Variants in IL1RAPL2 observed in about 807,000 individuals in gnomAD.
IL1RAPL2 encodes X-linked interleukin-1 receptor accessory protein-like 2.
In IL1RAPL2, 3 loss-of-function variants were observed where a neutral mutation model predicts 44.1. The observed-to-expected ratio is 0.07, with a 90% confidence interval of 0.03 to 0.18. The LOEUF (loss-of-function observed/expected upper bound fraction) is 0.18. Among genes scored for constraint, IL1RAPL2 ranks in the 10% least tolerant of loss-of-function variants. IL1RAPL2 has a pLI of 1.00. For synonymous variants in IL1RAPL2, 181 were observed against 178.8 expected (o/e 1.01, Z -0.10); for missense variants, 391 against 496.4 (o/e 0.79, Z 2.02).
chrX:105,579,484 C>A (rs763189256), intron 6 of IL1RAPL2, among the ~76,000 whole-genome samples: 166 of 111,322 alleles, frequency 1.5e-3, no homozygotes, highest in Non-Finnish European at 2.8e-3. Flanking sequence ...ATTTATCAGG[C>A]TGAGAATAAA....
chrX:105,228,746 T>C (rs2034040781), intron 3 of IL1RAPL2, among the ~76,000 whole-genome samples: 1 of 112,178 alleles, frequency 8.9e-6, no homozygotes, highest in Admixed American at 9.5e-5. Context: ...AGTTTGACTG[T>C]TGAGCAATGT....
At chrX:105,164,639 C>A (rs1289683800) in intron 2 of IL1RAPL2, among the ~76,000 whole-genome samples, 2 of 112,100 alleles carry the variant, frequency 1.8e-5, no homozygotes, top group Non-Finnish European at 3.8e-5. Context: ...CCTTTAAGTA[C>A]TTTCAATTCA....
chrX:105,569,186 C>A (rs1350031109), intron 6 of IL1RAPL2, among the ~76,000 whole-genome samples: 1 of 111,528 alleles, frequency 9.0e-6, no homozygotes, highest in Non-Finnish European at 1.9e-5. Context: ...GATAATTAAA[C>A]CATTACCTTT....
At chrX:105,379,022 A>G (rs1260286670) in intron 5 of IL1RAPL2, among the ~76,000 whole-genome samples, 3 of 111,626 alleles carry the variant, frequency 2.7e-5, no homozygotes, top group Non-Finnish European at 5.7e-5. Flanking sequence ...TTTAGAGCCA[A>G]AGTCCTGGAT....
chrX:105,499,353 A>G lies in IL1RAPL2; in HGVS notation c.772+14966A>G, dbSNP rs754211968. On this transcript the variant is annotated intron_variant, in intron 6 of 10. Transcript: ENST00000372582. Reference sequence around the variant, plus strand: ...AGTGACCTTTTTTTAATGTGACACCAAAAGTATAGGCAACAGAAGCAAAAA... The same window carrying G: ...AGTGACCTTTTTTTAATGTGACACCGAAAGTATAGGCAACAGAAGCAAAAA... Among the ~76,000 whole-genome samples the G allele has an allele frequency of 2.7e-5, 3 of 111,335 alleles. No individual in the cohort carries two copies. In the East Asian group the frequency reaches 8.5e-4, roughly 32 times the overall value.
chrX:104,896,751 C>A (rs1166417049), intron 2 of IL1RAPL2, among the ~76,000 whole-genome samples: 2 of 111,408 alleles, frequency 1.8e-5, no homozygotes, highest in Middle Eastern at 4.2e-3. Context: ...TGTTCTTTTG[C>A]TCTTCACAAT....
chrX:104,717,673 C>T (rs971722828), intron 2 of IL1RAPL2, among the ~76,000 whole-genome samples: 1 of 109,118 alleles, frequency 9.2e-6, no homozygotes, highest in African/African-American at 3.3e-5. Flanking sequence ...AGGTTTGTTA[C>T]ATATGTATAC....
intron 2 of IL1RAPL2, among the ~76,000 whole-genome samples, chrX:104,997,591 A>T (rs1324940724): frequency 8.9e-6 from 1 of 111,886 alleles, no homozygotes; most frequent in Non-Finnish European, 1.9e-5. Flanking sequence ...CTTTTTCAAC[A>T]GTTAGAAAAA....
intron 2 of IL1RAPL2, among the ~76,000 whole-genome samples, chrX:105,007,934 C>T (rs6523807): frequency 0.027 from 195 of 7,196 alleles, no homozygotes; most frequent in South Asian, 0.13. Context: ...AATTCAGAAT[C>T]GTTTTAGCAC....
intron 1 of IL1RAPL2, among the ~76,000 whole-genome samples, chrX:104,617,878 A>G (rs1929310211): frequency 1.8e-5 from 2 of 111,495 alleles, no homozygotes; most frequent in Non-Finnish European, 3.8e-5. Flanking sequence ...CCATTTCTGG[A>G]GAGCTAGTGT....
intron 2 of IL1RAPL2, among the ~76,000 whole-genome samples, chrX:105,003,581 T>C (rs893528381): frequency 1.3e-4 from 14 of 111,136 alleles, no homozygotes; most frequent in African/African-American, 4.6e-4. Context: ...TTTGCATAAT[T>C]TTCTTCCCCA....
chrX:105,244,608 A>C (rs1321427500), intron 4 of IL1RAPL2, among the ~76,000 whole-genome samples: 2 of 111,658 alleles, frequency 1.8e-5, no homozygotes, highest in Non-Finnish European at 3.8e-5. Flanking sequence ...CACGATCCCC[A>C]GTTGTTCCAA....
intron 6 of IL1RAPL2, among the ~76,000 whole-genome samples, chrX:105,716,439 T>C (rs1007326715): frequency 2.7e-5 from 3 of 111,794 alleles, no homozygotes; most frequent in Non-Finnish European, 5.6e-5. Context: ...CATTTTTTGA[T>C]AGACCACCTC....
chrX:105,072,061 A>T (rs983220262), intron 2 of IL1RAPL2, among the ~76,000 whole-genome samples: 6 of 111,178 alleles, frequency 5.4e-5, no homozygotes, highest in Admixed American at 9.6e-5. Flanking sequence ...CATTATGCCC[A>T]TATGTCAAGG....
chrX:104,774,715 C>T (rs1329822247), intron 2 of IL1RAPL2, among the ~76,000 whole-genome samples: 1 of 111,771 alleles, frequency 8.9e-6, no homozygotes, highest in Non-Finnish European at 1.9e-5. Context: ...ATCGAGGCTG[C>T]AAAATTTACA....
intron 2 of IL1RAPL2, among the ~76,000 whole-genome samples, chrX:104,659,414 C>A (rs934088671): frequency 9.0e-6 from 1 of 111,418 alleles, no homozygotes. Context: ...TATAGTTGTA[C>A]CCAGTTGCTA....
chrX:105,383,984 C>T (rs1229485363), intron 5 of IL1RAPL2, among the ~76,000 whole-genome samples: 2 of 111,381 alleles, frequency 1.8e-5, no homozygotes, highest in African/African-American at 3.3e-5. Context: ...TTGAGTTGCT[C>T]GAGTCCTTTA....
Position 104,819,850 on chromosome X carries a change from T to C in IL1RAPL2, c.82+160855T>C, listed in dbSNP as rs191458619. On this transcript the variant is annotated intron_variant, in intron 2 of 10. Coordinates refer to ENST00000372582, the MANE Select transcript of IL1RAPL2 (RefSeq NM_017416.2). ...TGAAGGCTTTTGGCTATTATTCCTT[T>C]AGAAACAAGCACCTCTTGTTGAGGG... Among the ~76,000 whole-genome samples, 8 of 112,243 alleles carry C rather than the reference T, an allele frequency of 7.1e-5. No individual in the cohort carries two copies. The East Asian group carries it at 2.0e-3, about 28-fold the overall frequency.
At chrX:104,894,852 G>A (rs1331822503) in intron 2 of IL1RAPL2, among the ~76,000 whole-genome samples, 1 of 112,203 alleles carries the variant, frequency 8.9e-6, no homozygotes, top group Admixed American at 9.4e-5. Flanking sequence ...TTTGGAGGGG[G>A]AGAGGCACTC....
Sources: allele counts gnomAD v4.1 joint callset (sites outside exome capture counted in the v4.1 genomes callset), GRCh38; gene constraint gnomAD v4.1.1; transcripts MANE v1.5; gene names NCBI Gene and HGNC (gene_info 2026-07-23, HGNC 2026-07-21).